Variants in GPC6 observed in about 807,000 individuals in gnomAD.
GPC6 encodes glypican 6, also known as glypican-6.
GPC6 carries 14 observed loss-of-function variants against 55.2 expected under a neutral mutation model. The observed-to-expected ratio is 0.25, with a 90% CI of 0.17 to 0.40. The LOEUF (loss-of-function observed/expected upper bound fraction) is 0.40, where lower values mean the gene tolerates loss of function less well. GPC6 is among the 10% of genes least tolerant of loss of function. The probability of loss-of-function intolerance (pLI) is 1.00; values close to 1 mark genes in which losing one functional copy is unlikely to be tolerated. For missense variants in GPC6, 641 were observed against 708.5 expected (o/e 0.90, Z 1.08); for synonymous variants, 278 against 259.6 (o/e 1.07, Z -0.68).
chr13:94,384,762 C>G (rs1880326869), intron 7 of GPC6, among the ~76,000 whole-genome samples: 1 of 152,142 alleles, frequency 6.6e-6, no homozygotes, highest in Non-Finnish European at 1.5e-5. Context: ...TCTCCCAAAT[C>G]CTAGCCCAGT....
upstream of GPC6, among the ~76,000 whole-genome samples, chr13:93,222,893 C>A (rs1875659047): frequency 6.6e-6 from 1 of 152,146 alleles, no homozygotes; most frequent in African/African-American, 2.4e-5. Flanking sequence ...TTCTTTGCAT[C>A]CCTCCATTGT....
Position 94,166,974 on chromosome 13 carries a change from T to C in GPC6, c.878-119375T>C, listed in dbSNP as rs537806239. On this transcript the variant is annotated intron_variant, in intron 4 of 8. Transcript: ENST00000377047. Reference sequence around the variant, plus strand: ...TGGAATAAAATGAGCATGGACTTAATAGAATAATAAATTAAATAATCATCC... The same window carrying C: ...TGGAATAAAATGAGCATGGACTTAACAGAATAATAAATTAAATAATCATCC... Among the ~76,000 whole-genome samples, 3 of 152,330 alleles carry C rather than the reference T, an allele frequency of 2.0e-5. 1 individual carries two copies. Among genetic ancestry groups the C allele is most frequent in the Non-Finnish European group, 4.4e-5 (3 of 68,018 alleles).
At chr13:94,151,789 A>G (rs1887751754) in intron 4 of GPC6, among the ~76,000 whole-genome samples, 2 of 152,132 alleles carry the variant, frequency 1.3e-5, no homozygotes, top group South Asian at 4.1e-4. Flanking sequence ...GAGGTGGATA[A>G]TGGTGTGTGC....
intron 3 of GPC6, among the ~76,000 whole-genome samples, chr13:93,865,959 A>G (rs1376002832): frequency 6.6e-6 from 1 of 151,704 alleles, no homozygotes. Context: ...CAAAAGTCAT[A>G]GACCAAAATT....
At chr13:93,306,036 A>G (rs1300491001) in intron 1 of GPC6, among the ~76,000 whole-genome samples, 1 of 152,204 alleles carries the variant, frequency 6.6e-6, no homozygotes, top group African/African-American at 2.4e-5. Flanking sequence ...TTCAGTACAA[A>G]TTATGTTTAG....
At chr13:93,345,838 T>A (rs185695445) in intron 1 of GPC6, among the ~76,000 whole-genome samples, 1 of 152,318 alleles carries the variant, frequency 6.6e-6, no homozygotes, top group East Asian at 1.9e-4. Context: ...CAAGATATCT[T>A]AAAGAATAAA....
chr13:93,883,597 ATCT>A (rs1875134442), intron 3 of GPC6, among the ~76,000 whole-genome samples: 1 of 151,916 alleles, frequency 6.6e-6, no homozygotes, highest in Non-Finnish European at 1.5e-5. Flanking sequence ...CCATTTGTGT[ATCT>A]TCTTTTGAGA....
intron 4 of GPC6, among the ~76,000 whole-genome samples, chr13:94,072,794 A>G (rs9516341): frequency 0.18 from 27,549 of 152,232 alleles, 2,628 homozygotes; most frequent in South Asian, 0.25. Context: ...ATGACAGGGC[A>G]AAGTGGCATG....
At chr13:93,704,954 T>G (rs2138800018) in intron 2 of GPC6, among the ~76,000 whole-genome samples, 1 of 152,082 alleles carries the variant, frequency 6.6e-6, no homozygotes, top group Middle Eastern at 3.4e-3. Flanking sequence ...TACCATGTCA[T>G]GTCCATATTC....
At chr13:94,055,168 G>A (rs999818779) in intron 4 of GPC6, among the ~76,000 whole-genome samples, 1 of 152,194 alleles carries the variant, frequency 6.6e-6, no homozygotes, top group Non-Finnish European at 1.5e-5. Flanking sequence ...AAAAGCAGGG[G>A]CTCAGCGAAG....
Position 93,349,551 on chromosome 13 carries a change from G to A in GPC6, c.160+121935G>A, listed in dbSNP as rs545717274. ...GCTGACTATGTAGGCTGATACATCC[G>A]ATCTGGAGATATACCAAAGTTTAAA... is the stretch of plus-strand genomic sequence containing the variant. On this transcript the variant is annotated intron_variant, in intron 1 of 8. Coordinates refer to ENST00000377047, the MANE Select transcript of GPC6 (RefSeq NM_005708.5). Among the ~76,000 whole-genome samples, 5 of 152,210 alleles carry A rather than the reference G, an allele frequency of 3.3e-5. No individual in the cohort carries two copies. The South Asian group carries it at 6.2e-4, about 19-fold the overall frequency.
chr13:93,895,096 C>CTA (rs1200991540), intron 3 of GPC6, among the ~76,000 whole-genome samples: 2 of 146,846 alleles, frequency 1.4e-5, no homozygotes, highest in Non-Finnish European at 3.0e-5. Flanking sequence ...CCATATATGT[C>CTA]TATATATATA....
chr13:93,793,691 GA>G (rs1225505000), intron 2 of GPC6, among the ~76,000 whole-genome samples: 10 of 152,238 alleles, frequency 6.6e-5, no homozygotes, highest in African/African-American at 2.4e-4. Context: ...TGATGGTGAT[GA>G]AGATGACGGA....
chr13:93,235,097 C>G (rs1245045154), intron 1 of GPC6, among the ~76,000 whole-genome samples: 1 of 152,100 alleles, frequency 6.6e-6, no homozygotes, highest in Non-Finnish European at 1.5e-5. Context: ...ATATTTGGTA[C>G]TTAAGCTACT....
At chr13:93,691,031 C>T (rs929088589) in intron 2 of GPC6, among the ~76,000 whole-genome samples, 23 of 152,026 alleles carry the variant, frequency 1.5e-4, no homozygotes, top group African/African-American at 4.1e-4. Context: ...TTAATCTATT[C>T]GCTTCAGCTT....
chr13:93,682,219 C>G (rs1446789280), intron 2 of GPC6, among the ~76,000 whole-genome samples: 1 of 152,046 alleles, frequency 6.6e-6, no homozygotes, highest in South Asian at 2.1e-4. Context: ...ATTTATGGGG[C>G]AGTGTCCCAG....
chr13:93,362,708 G>A (rs1470856165), intron 1 of GPC6, among the ~76,000 whole-genome samples: 1 of 151,954 alleles, frequency 6.6e-6, no homozygotes, highest in East Asian at 1.9e-4. Flanking sequence ...TAAAGGGTTT[G>A]AGGTGAGGTC....
intron 1 of GPC6, among the ~76,000 whole-genome samples, chr13:93,401,333 AG>A (rs575052576): frequency 1.5e-4 from 23 of 152,074 alleles, no homozygotes; most frequent in Non-Finnish European, 2.9e-4. Flanking sequence ...GCAGGGAATG[AG>A]CGCTGTCAGG....
At chr13:94,176,353 A>C (rs1446140459) in intron 4 of GPC6, among the ~76,000 whole-genome samples, 1 of 152,040 alleles carries the variant, frequency 6.6e-6, no homozygotes, top group Non-Finnish European at 1.5e-5. Flanking sequence ...TATACCTCTA[A>C]AGGGAGGCAG....
Sources: allele counts gnomAD v4.1 joint callset (sites outside exome capture counted in the v4.1 genomes callset), GRCh38; gene constraint gnomAD v4.1.1; transcripts MANE v1.5; gene names NCBI Gene and HGNC (gene_info 2026-07-23, HGNC 2026-07-21).